Variants in TRPC4 observed in about 807,000 individuals in gnomAD.
The protein encoded by TRPC4 is transient receptor potential cation channel subfamily C member 4.
A neutral mutation model predicts 99.4 loss-of-function variants in TRPC4; 49 were observed. That is an observed-to-expected ratio of 0.49 (90% CI 0.39 to 0.63). The LOEUF (loss-of-function observed/expected upper bound fraction) is 0.63. Ranked by LOEUF, TRPC4 falls within the 20% of genes least tolerant of loss-of-function variation. The pLI, the probability that TRPC4 is intolerant of heterozygous loss-of-function variation, is 0.00. For synonymous variants in TRPC4, 454 were observed against 425.9 expected, an observed-to-expected ratio of 1.07 and a Z score of -0.81; for missense variants, 898 against 1,152.9, an observed-to-expected ratio of 0.78 and a Z score of 3.20.
intron 2 of TRPC4, among the ~76,000 whole-genome samples, chr13:37,757,872 T>G (rs1956133723): frequency 6.6e-6 from 1 of 151,960 alleles, no homozygotes; most frequent in South Asian, 2.1e-4. Context: ...TGAAAACAAT[T>G]ATGTATGATT....
intron 2 of TRPC4, among the ~76,000 whole-genome samples, chr13:37,755,011 T>C (rs1358877369): frequency 6.6e-6 from 1 of 152,050 alleles, no homozygotes; most frequent in Non-Finnish European, 1.5e-5. Context: ...CCGTTAAAAG[T>C]AATGGCAAAA....
At chr13:37,842,355 A>AG (rs1274972656) in intron 1 of TRPC4, among the ~76,000 whole-genome samples, 2 of 144,100 alleles carry the variant, frequency 1.4e-5, no homozygotes, top group Non-Finnish European at 3.1e-5. Flanking sequence ...AAAAAAAAAA[A>AG]AAAAAAAAAA....
intron 1 of TRPC4, among the ~76,000 whole-genome samples, chr13:37,796,785 C>G (rs1345285724): frequency 6.6e-6 from 1 of 151,544 alleles, no homozygotes; most frequent in Non-Finnish European, 1.5e-5. Flanking sequence ...TAATTGTCTG[C>G]TCACTTGTGT....
chr13:37,863,502 C>T (rs117887556), intron 1 of TRPC4, among the ~76,000 whole-genome samples: 1 of 151,472 alleles, frequency 6.6e-6, no homozygotes, highest in East Asian at 1.9e-4. Flanking sequence ...ACATATTGGG[C>T]TCTAGATAAA....
chr13:37,740,949 C>A (rs17203407), intron 3 of TRPC4, among the ~76,000 whole-genome samples: 1 of 152,030 alleles, frequency 6.6e-6, no homozygotes, highest in Non-Finnish European at 1.5e-5. Flanking sequence ...TTAACAATCC[C>A]ATTAATGTGT....
intron 1 of TRPC4, among the ~76,000 whole-genome samples, chr13:37,787,819 T>A (rs1438509511): frequency 6.6e-6 from 1 of 152,118 alleles, no homozygotes; most frequent in Non-Finnish European, 1.5e-5. Context: ...AAATCAAGAT[T>A]ATACTTATTT....
chr13:37,665,840 CAAAAAAAAAAA>C (rs1168472231), intron 5 of TRPC4, among the ~76,000 whole-genome samples: 1 of 71,026 alleles, frequency 1.4e-5, no homozygotes, highest in East Asian at 4.8e-4. Context: ...TCAGCTGAGA[CAAAAAAAAAAA>C]AAAAAAAAAA....
chr13:37,796,094 C>T (rs921273119), intron 1 of TRPC4, among the ~76,000 whole-genome samples: 4 of 152,162 alleles, frequency 2.6e-5, no homozygotes, highest in African/African-American at 9.7e-5. Flanking sequence ...AGCAAGAGTT[C>T]TAGCAGAGAT....
At chr13:37,758,971 ATT>A (rs1250647438) in intron 2 of TRPC4, among the ~76,000 whole-genome samples, 1 of 151,578 alleles carries the variant, frequency 6.6e-6, no homozygotes, top group East Asian at 1.9e-4. Flanking sequence ...TTTTGTTTAT[ATT>A]GTTTTATTTA....
intron 1 of TRPC4, among the ~76,000 whole-genome samples, chr13:37,866,235 C>T (rs2139740562): frequency 6.6e-6 from 1 of 151,906 alleles, no homozygotes; most frequent in Admixed American, 6.6e-5. Flanking sequence ...ATATGTAACA[C>T]TGTGTCCATG....
At chr13:37,709,916 A>G (rs1566112918) in intron 3 of TRPC4, among the ~76,000 whole-genome samples, 1 of 152,016 alleles carries the variant, frequency 6.6e-6, no homozygotes, top group Non-Finnish European at 1.5e-5. Context: ...ACCTACTGTT[A>G]TCAAAATTGT....
At chr13:37,810,617 T>G (rs952998397) in intron 1 of TRPC4, among the ~76,000 whole-genome samples, 1 of 152,094 alleles carries the variant, frequency 6.6e-6, no homozygotes, top group Non-Finnish European at 1.5e-5. Flanking sequence ...AATCTTGAAC[T>G]GTGAAGTTAG....
At chr13:37,817,690 CAT>C (rs1957897663) in intron 1 of TRPC4, among the ~76,000 whole-genome samples, 1 of 151,616 alleles carries the variant, frequency 6.6e-6, no homozygotes, top group Admixed American at 6.6e-5. Flanking sequence ...AAAGCAGACA[CAT>C]AGAACAATGG....
chr13:37,682,550 G>A (rs1953283912), intron 4 of TRPC4, among the ~76,000 whole-genome samples: 1 of 152,154 alleles, frequency 6.6e-6, no homozygotes, highest in Admixed American at 6.5e-5. Context: ...AGGACCCCAA[G>A]CATCCATGTT....
intron 2 of TRPC4, among the ~76,000 whole-genome samples, chr13:37,763,561 A>G (rs932451373): frequency 1.3e-5 from 2 of 151,694 alleles, no homozygotes; most frequent in African/African-American, 2.4e-5. Flanking sequence ...ATTAGTGGTC[A>G]TGCCTTTAGA....
At chr13:37,847,515 G>A (rs1958937397) in intron 1 of TRPC4, among the ~76,000 whole-genome samples, 1 of 151,994 alleles carries the variant, frequency 6.6e-6, no homozygotes, top group Non-Finnish European at 1.5e-5. Flanking sequence ...AACACAACAT[G>A]CTAAACCTAT....
intron 6 of TRPC4, among the ~76,000 whole-genome samples, chr13:37,659,139 T>A (rs957341631): frequency 6.6e-6 from 1 of 152,154 alleles, no homozygotes; most frequent in African/African-American, 2.4e-5. Context: ...TGAAATGTAA[T>A]CCCTGATGTT....
At chr13:37,707,010 TA>T (rs1421688781) in intron 3 of TRPC4, among the ~76,000 whole-genome samples, 1 of 152,138 alleles carries the variant, frequency 6.6e-6, no homozygotes, top group African/African-American at 2.4e-5. Flanking sequence ...TATGCATGTC[TA>T]ATGAAAAAAT....
intron 4 of TRPC4, among the ~76,000 whole-genome samples, chr13:37,688,209 A>G (rs1953557372): frequency 6.6e-6 from 1 of 152,226 alleles, no homozygotes; most frequent in Non-Finnish European, 1.5e-5. Flanking sequence ...GGTGAGTTCC[A>G]ACTTATTGCT....
Sources: allele counts gnomAD v4.1 joint callset (sites outside exome capture counted in the v4.1 genomes callset), GRCh38; gene constraint gnomAD v4.1.1; transcripts MANE v1.5; gene names NCBI Gene and HGNC (gene_info 2026-07-23, HGNC 2026-07-21).